PTPRG: variants seen among roughly 807,000 people sequenced by gnomAD.
The protein encoded by PTPRG is protein tyrosine phosphatase receptor type G, also known as receptor-type tyrosine-protein phosphatase gamma.
In PTPRG, 102 loss-of-function variants were observed where a neutral mutation model predicts 165.3. The ratio of observed to expected loss-of-function variants is 0.62; its 90% confidence interval spans 0.53 to 0.73. PTPRG has a LOEUF of 0.73. PTPRG is among the 30% of genes least tolerant of loss of function. PTPRG has a pLI of 0.00. For synonymous variants in PTPRG, 675 were observed against 669.5 expected, an observed-to-expected ratio of 1.01 and a Z score of -0.13; for missense variants, 1,866 against 1,861.4, an observed-to-expected ratio of 1.00 and a Z score of -0.05.
rs77439676 is a variant in PTPRG at position 62,214,313 on chromosome 3, C to A, written c.2156-4538C>A. Among the ~76,000 whole-genome samples the A allele has an allele frequency of 8.1e-4, 123 of 152,148 alleles. No individual in the cohort carries two copies. The East Asian group carries it at 0.023, about 28-fold the overall frequency. ...AATGATGCTGTTGCTAGGATGGTGGCGGGTGATGGTGTTGCCGAAGCTGGG... is the reference window on the plus strand; with the variant it reads ...AATGATGCTGTTGCTAGGATGGTGGAGGGTGATGGTGTTGCCGAAGCTGGG... On this transcript the variant is annotated intron_variant, in intron 12 of 29. Transcript: ENST00000474889. The surrounding 1 kb of genome is among the most constrained non-coding windows in gnomAD (Gnocchi z 5.2).
intron 2 of PTPRG, among the ~76,000 whole-genome samples, chr3:61,970,104 G>A (rs1226607686): frequency 6.6e-6 from 1 of 152,198 alleles, no homozygotes; most frequent in Non-Finnish European, 1.5e-5. Context: ...GCAAGGTAAT[G>A]AAATGCCACT....
chr3:62,051,877 A>G (rs1393067922), intron 4 of PTPRG, among the ~76,000 whole-genome samples: 1 of 152,202 alleles, frequency 6.6e-6, no homozygotes, highest in East Asian at 1.9e-4. Flanking sequence ...CAGAAATTCA[A>G]TTGCTTTCAA....
intron 4 of PTPRG, among the ~76,000 whole-genome samples, chr3:62,023,112 A>G (rs968086634): frequency 6.6e-6 from 1 of 152,172 alleles, no homozygotes; most frequent in Non-Finnish European, 1.5e-5. Flanking sequence ...GTTCTAAATA[A>G]TGTAATGAAA....
At chr3:62,232,547 A>G (rs556150280) in intron 14 of PTPRG, among the ~76,000 whole-genome samples, 85 of 152,362 alleles carry the variant, frequency 5.6e-4, no homozygotes, top group African/African-American at 1.9e-3. Context: ...GTTTTTGACT[A>G]TAACACTTTA....
intron 3 of PTPRG, among the ~76,000 whole-genome samples, chr3:62,001,187 T>G (rs1405115538): frequency 6.6e-6 from 1 of 152,200 alleles, no homozygotes; most frequent in Non-Finnish European, 1.5e-5. Context: ...AACAAAAATA[T>G]GAGACATTTT....
rs552841892 is a variant in PTPRG, at chr3:62,199,580, G to T, written c.1328-1925G>T. Among the ~76,000 whole-genome samples the T allele has an allele frequency of 2.7e-5, 4 of 149,324 alleles. No homozygotes were observed. The East Asian group carries it at 5.8e-4, about 22-fold the overall frequency. On this transcript the variant is annotated intron_variant, in intron 10 of 29. Transcript: ENST00000474889. ...CAATATTGGTGGCAAATTCTGTTTT[G>T]TTTTGTTTTGTTTTGTTTTTATAGA...
At chr3:61,857,968 C>G (rs1167504086) in intron 2 of PTPRG, among the ~76,000 whole-genome samples, 1 of 152,150 alleles carries the variant, frequency 6.6e-6, no homozygotes, top group South Asian at 2.1e-4. Context: ...CTCTTAACAC[C>G]AGGTCTTTAA....
chr3:61,746,669 G>A (rs1475916662), intron 1 of PTPRG, among the ~76,000 whole-genome samples: 1 of 152,140 alleles, frequency 6.6e-6, no homozygotes, highest in Non-Finnish European at 1.5e-5. Flanking sequence ...ATACCTGAAT[G>A]CATCACTGGG....
chr3:62,116,142 C>T (rs1035635091), intron 5 of PTPRG, among the ~76,000 whole-genome samples: 1 of 152,108 alleles, frequency 6.6e-6, no homozygotes, highest in African/African-American at 2.4e-5. Flanking sequence ...AACCAGAGCC[C>T]AGAACCCAAA....
At chr3:62,110,088 G>GGT (rs1559517667) in intron 5 of PTPRG, among the ~76,000 whole-genome samples, 1 of 79,276 alleles carries the variant, frequency 1.3e-5, no homozygotes, top group East Asian at 3.7e-4. Context: ...AGAAATAATG[G>GGT]CTTTTTTTTT....
chr3:62,069,831 T>G (rs1301603924), intron 4 of PTPRG, among the ~76,000 whole-genome samples: 1 of 152,180 alleles, frequency 6.6e-6, no homozygotes, highest in African/African-American at 2.4e-5. Context: ...CAATCTGTGT[T>G]GCAGTGTAGA....
chr3:61,698,434 C>T (rs559633887), intron 1 of PTPRG, among the ~76,000 whole-genome samples: 1 of 152,084 alleles, frequency 6.6e-6, no homozygotes, highest in East Asian at 1.9e-4. Flanking sequence ...TGGCTTTGTT[C>T]CAATAAAACT....
chr3:61,631,937 T>G (rs941876728), intron 1 of PTPRG, among the ~76,000 whole-genome samples: 1 of 152,192 alleles, frequency 6.6e-6, no homozygotes, highest in Non-Finnish European at 1.5e-5. Flanking sequence ...ATGCTCTGAT[T>G]GTAGCCTGGA....
intron 1 of PTPRG, among the ~76,000 whole-genome samples, chr3:61,651,114 T>C (rs1269302749): frequency 2.0e-5 from 3 of 151,808 alleles, no homozygotes; most frequent in African/African-American, 7.3e-5. Flanking sequence ...AATTACACGA[T>C]GTATTTGGAC....
chr3:62,068,393 T>C (rs1221481330), intron 4 of PTPRG, among the ~76,000 whole-genome samples: 1 of 152,108 alleles, frequency 6.6e-6, no homozygotes, highest in Non-Finnish European at 1.5e-5. Context: ...AATCTGACCA[T>C]ACTGTCAGAT....
At chr3:61,906,296 T>TA (rs544988767) in intron 2 of PTPRG, among the ~76,000 whole-genome samples, 12 of 146,900 alleles carry the variant, frequency 8.2e-5, no homozygotes, top group South Asian at 2.2e-4. Context: ...CTACTAAAAA[T>TA]AAAAAAAAAA....
intron 1 of PTPRG, among the ~76,000 whole-genome samples, chr3:61,629,245 C>A (rs1289091670): frequency 3.3e-5 from 5 of 152,126 alleles, no homozygotes; most frequent in Non-Finnish European, 7.3e-5. Context: ...GCCTCTGCCT[C>A]CTGGGTTCAA....
chr3:61,782,349 C>A (rs1457420937), intron 2 of PTPRG, among the ~76,000 whole-genome samples: 2 of 152,176 alleles, frequency 1.3e-5, no homozygotes, highest in Non-Finnish European at 2.9e-5. Flanking sequence ...ACAAACCAAT[C>A]AGTGCTAATT....
intron 2 of PTPRG, among the ~76,000 whole-genome samples, chr3:61,852,605 G>T: frequency 6.6e-6 from 1 of 152,320 alleles, no homozygotes; most frequent in African/African-American, 2.4e-5. Context: ...TGGAAGCTGA[G>T]TCCCAGAGAG....
Sources: gnomAD v4.1 joint callset for allele counts (sites outside exome capture counted in the v4.1 genomes callset) on GRCh38, gnomAD v4.1.1 for gene constraint, Gnocchi (gnomAD v3.1) non-coding constraint, MANE v1.5 for transcripts, NCBI Gene and HGNC (gene_info 2026-07-23, HGNC 2026-07-21) for gene names.